Variants in PIWIL2 observed in about 807,000 individuals in gnomAD.
PIWIL2 encodes the protein piwi like RNA-mediated gene silencing 2.
In PIWIL2, 81 loss-of-function variants were observed where a neutral mutation model predicts 116.5. The ratio of observed to expected loss-of-function variants is 0.70; its 90% confidence interval spans 0.58 to 0.84. PIWIL2 has a LOEUF of 0.84. PIWIL2 is among the 40% of genes least tolerant of loss of function. The pLI is 0.00. For synonymous variants in PIWIL2, 489 were observed against 429.5 expected, an observed-to-expected ratio of 1.14 and a Z score of -1.71; for missense variants, 1,272 against 1,212.3, an observed-to-expected ratio of 1.05 and a Z score of -0.73.
In PIWIL2 at chr8:22,354,302, C is replaced by T. The variant is rs756707344; in HGVS notation, c.2689C>T (p.Arg897Trp). 3.5e-5 allele frequency: 57 copies of T among 1,612,762 alleles called. No individual in the cohort carries two copies. The highest frequency in any genetic ancestry group is 6.7e-5 in the African/African-American group (5 of 74,838). The change falls in exon 22 of 23, where the codon CGG becomes TGG. Residue 897 changes from arginine to tryptophan, a missense_variant. Arg to Trp is a moderately radical substitution (Grantham distance 101). Coordinates refer to ENST00000356766, the MANE Select transcript of PIWIL2 (RefSeq NM_018068.5). ...VDFYLLAHHV[R>W]QGCGIPTHYV... is the part of the protein sequence containing the mutation. Reference sequence around the variant, plus strand: ...TTTCTATCTTCTTGCCCATCATGTACGGCAGGGCTGTGGCATTCCTACGCA... The same window carrying T: ...TTTCTATCTTCTTGCCCATCATGTATGGCAGGGCTGTGGCATTCCTACGCA...
At chr8:22,308,197 G>GTTT (rs375154486) in intron 14 of PIWIL2, 124 bp downstream of exon 14, 707 of 526,812 alleles carry the variant, frequency 1.3e-3, no homozygotes, top group South Asian at 2.2e-3. Context: ...ATTTTTCTAA[G>GTTT]TTTTTTTTTT....
At chr8:22,288,249 G>C (rs970550488) in intron 7 of PIWIL2, among the ~76,000 whole-genome samples, 4 of 141,520 alleles carry the variant, frequency 2.8e-5, no homozygotes, top group Non-Finnish European at 6.0e-5. Flanking sequence ...AGTGAGCCGA[G>C]ATCACGCCAC....
At chr8:22,341,977 TA>T (rs530423710) in intron 20 of PIWIL2, among the ~76,000 whole-genome samples, 10,200 of 121,454 alleles carry the variant, frequency 0.084, 388 homozygotes, top group Admixed American at 0.11. Context: ...TCTATTGCTG[TA>T]AAAAAAAAAA....
At chr8:22,305,051 T>C (rs2132032019) in intron 12 of PIWIL2, among the ~76,000 whole-genome samples, 183 bp downstream of exon 12, 1 of 152,288 alleles carries the variant, frequency 6.6e-6, no homozygotes, top group Non-Finnish European at 1.5e-5. Flanking sequence ...TAAGATCTGC[T>C]TTAGAAGTCC....
chr8:22,306,276 G>T (rs999355987), intron 13 of PIWIL2, among the ~76,000 whole-genome samples: 2 of 152,126 alleles, frequency 1.3e-5, no homozygotes, highest in African/African-American at 4.8e-5. Flanking sequence ...TATAAAATAA[G>T]AAGAAACAAA....
At chr8:22,316,461 T>G in intron 19 of PIWIL2, 128 bp downstream of exon 19, 3 of 617,878 alleles carry the variant, frequency 4.9e-6, no homozygotes, top group Non-Finnish European at 5.6e-6. Flanking sequence ...TTTCTTCCTC[T>G]ATCTTCATGT....
Position 22,353,169 on chromosome 8 carries a change from A to C in PIWIL2, c.2614A>C (p.Thr872Pro). 1 of 1,613,842 alleles carries C rather than the reference A, an allele frequency of 6.2e-7. No homozygotes were observed. The highest frequency in any genetic ancestry group is 1.1e-5 in the South Asian group (1 of 91,052). ...LAAPQNFVTP[T>P]PGTVVDHTIT... The stretch of plus-strand genomic sequence containing the variant: ...TGCTCCTCAGAACTTTGTAACTCCC[A>C]CTCCTGGAACTGTGGTAGATCATAC... Residue 872 changes from threonine to proline, a missense_variant, in exon 21 of 23, where the codon ACT (threonine) becomes CCT (proline). By Grantham distance (38) the Thr-to-Pro change is conservative. Coordinates refer to ENST00000356766, the MANE Select transcript of PIWIL2 (RefSeq NM_018068.5).
intron 20 of PIWIL2, among the ~76,000 whole-genome samples, chr8:22,335,553 T>C (rs894440895): frequency 6.7e-6 from 1 of 148,508 alleles, no homozygotes; most frequent in Non-Finnish European, 1.5e-5. Flanking sequence ...CTTTTTTTTT[T>C]TTTTTTTTTT....
intron 21 of PIWIL2, among the ~76,000 whole-genome samples, chr8:22,353,657 T>C (rs1244381259): frequency 1.3e-5 from 2 of 151,906 alleles, no homozygotes; most frequent in African/African-American, 4.8e-5. Context: ...CAAAAAAGAT[T>C]TAAAAACAAG....
chr8:22,351,434 TAC>T (rs1832350836), intron 20 of PIWIL2, among the ~76,000 whole-genome samples: 2 of 61,826 alleles, frequency 3.2e-5, no homozygotes, highest in African/African-American at 5.5e-5. Flanking sequence ...GAACAGTGCA[TAC>T]ATACATATAT....
chr8:22,323,431 C>G (rs1186532645), intron 20 of PIWIL2, among the ~76,000 whole-genome samples: 3 of 152,156 alleles, frequency 2.0e-5, no homozygotes, highest in Admixed American at 6.5e-5. Flanking sequence ...TAGGCATGAG[C>G]TACCGCGCCC....
chr8:22,314,882 C>A, intron 17 of PIWIL2, 147 bp from the exon 18 acceptor site: 1 of 631,022 alleles, frequency 1.6e-6, no homozygotes, highest in Non-Finnish European at 2.9e-6. Flanking sequence ...TGCCTAGAAA[C>A]CCTAGAATTA....
In PIWIL2 at chr8:22,281,114, C is replaced by T; in HGVS notation, c.199-6C>T. 1 of 1,595,700 alleles carries T rather than the reference C, an allele frequency of 6.3e-7. No homozygotes were observed. Among genetic ancestry groups the T allele is most frequent in the Non-Finnish European group, 8.6e-7 (1 of 1,168,868 alleles). ...TCTTAGAACTTTATTCTTTGACTTT[C>T]CACAGGAGTCTGTGGGTTTGGTCTC... On this transcript the variant is annotated splice_polypyrimidine_tract_variant and splice_region_variant and intron_variant, in intron 2 of 22. Transcript: ENST00000356766.
intron 10 of PIWIL2, among the ~76,000 whole-genome samples, chr8:22,298,526 G>C (rs1352929025): frequency 6.6e-6 from 1 of 152,176 alleles, no homozygotes; most frequent in Non-Finnish European, 1.5e-5. Flanking sequence ...TGGTTGTTGG[G>C]ATTGACTCAC....
Position 22,279,481 on chromosome 8 carries a change from C to G in PIWIL2, c.95C>G (p.Ser32Cys). The G allele has an allele frequency of 6.2e-7, 1 of 1,614,212 alleles. No homozygotes were observed. Among genetic ancestry groups the G allele is most frequent in the Non-Finnish European group, 8.5e-7 (1 of 1,180,028 alleles). ...ATGCCAGGCTGTTGGCCACAAGCTT[C>G]TAAACCTTTGGACCCAGCTCTGGGC... ...VRMPGCWPQA[S>C]KPLDPALGRG... The change falls in exon 2 of 23, where the codon TCT becomes TGT. Residue 32 changes from serine (S) to cysteine (C), a missense_variant. Coordinates refer to ENST00000356766, the MANE Select transcript of PIWIL2 (RefSeq NM_018068.5).
chr8:22,336,509 C>T (rs944884073), intron 20 of PIWIL2, among the ~76,000 whole-genome samples: 19 of 151,974 alleles, frequency 1.3e-4, no homozygotes, highest in East Asian at 3.9e-4. Flanking sequence ...TTATAAACAA[C>T]GTATTTTAAA....
intron 10 of PIWIL2, among the ~76,000 whole-genome samples, chr8:22,293,468 G>A (rs1830812503): frequency 6.6e-6 from 1 of 152,094 alleles, no homozygotes; most frequent in Non-Finnish European, 1.5e-5. Flanking sequence ...GGCCTTCTGA[G>A]TAGTTGCCAC....
chr8:22,352,417 G>A (rs542536459), intron 20 of PIWIL2, among the ~76,000 whole-genome samples: 1 of 151,996 alleles, frequency 6.6e-6, no homozygotes, highest in African/African-American at 2.4e-5. Context: ...ATGTTTTACT[G>A]TATGTTTACT....
intron 20 of PIWIL2, among the ~76,000 whole-genome samples, chr8:22,331,035 G>A (rs1831849776): frequency 1.3e-5 from 2 of 152,054 alleles, no homozygotes; most frequent in African/African-American, 4.8e-5. Flanking sequence ...AATTAGCCTG[G>A]TGTGGTGGTG....
Sources: allele counts gnomAD v4.1 joint callset (sites outside exome capture counted in the v4.1 genomes callset), GRCh38; gene constraint gnomAD v4.1.1; transcripts MANE v1.5; gene names NCBI Gene and HGNC (gene_info 2026-07-23, HGNC 2026-07-21).